The following CBLIF variants were observed in gnomAD, a reference collection of about 807,000 sequenced individuals.
CBLIF encodes cobalamin binding intrinsic factor, also known as gastric intrinsic factor (vitamin B synthesis).
A neutral mutation model predicts 44.9 loss-of-function variants in CBLIF; 24 were observed. The observed-to-expected ratio is 0.53, with a 90% CI of 0.39 to 0.75. CBLIF has a LOEUF of 0.75. Among genes scored for constraint, CBLIF ranks in the 30% least tolerant of loss-of-function variants. CBLIF has a pLI of 0.00. For missense variants in CBLIF, 481 were observed against 513.0 expected (o/e 0.94, Z 0.60); for synonymous variants, 183 against 190.9 (o/e 0.96, Z 0.34).
chr11:59,829,345 A>G lies in CBLIF; in HGVS notation c.*139T>C, dbSNP rs541677351. The G allele has an allele frequency of 8.7e-6, 6 of 687,038 alleles. No individual in the cohort carries two copies. Among genetic ancestry groups the G allele is most frequent in the South Asian group, 6.1e-5 (4 of 65,974 alleles). The allele number at this position is 687,038 out of a possible 1,614,324, so 42.6% of individuals were successfully genotyped here. On this transcript the variant is annotated 3_prime_UTR_variant, in exon 9 of 9. Coordinates refer to ENST00000257248, the MANE Select transcript of CBLIF (RefSeq NM_005142.3). ...CCAGTGAACTTTGCATTTTTATTCT[A>G]CATAGTGGTTCTCCATGTTTTTACC...
At position 59,829,533 on chromosome 11, in the gene CBLIF, T is replaced by C. The variant is rs1866340525; in HGVS notation, c.1205A>G (p.Tyr402Cys). The C allele has an allele frequency of 6.2e-7, 1 of 1,607,660 alleles. No individual in the cohort carries two copies. The highest frequency in any genetic ancestry group is 8.5e-7 in the Non-Finnish European group (1 of 1,174,110). Residue 402 changes from tyrosine to cysteine, a missense_variant, in exon 9 of 9, where the codon TAC becomes TGC. By Grantham distance (194) the Tyr-to-Cys change is radical. Transcript: ENST00000257248. ...GATGTGCTCGTGGTTGAAGGGTATG[T>C]AGTCAGCAACCCCTGGAAATAAGCA... ...VTPLNEGVAD[Y>C]IPFNHEHITA... is the part of the protein sequence containing the mutation.
At position 59,841,134 on chromosome 11, in the gene CBLIF, C is replaced by A. The variant is rs764280711; in HGVS notation, c.693+9G>T. 1.9e-6 allele frequency: 3 copies of A among 1,601,418 alleles called. No individual in the cohort carries two copies. In the African/African-American group the frequency reaches 4.0e-5, roughly 21 times the overall value. ...GGAACCCAACCAAGAGCATCCAGCACGTGTTTACCTGCATGGCGAGGCCAG... is the reference window on the plus strand; with the variant it reads ...GGAACCCAACCAAGAGCATCCAGCAAGTGTTTACCTGCATGGCGAGGCCAG... On this transcript the variant is annotated intron_variant, in intron 5 of 8. Coordinates refer to ENST00000257248, the MANE Select transcript of CBLIF (RefSeq NM_005142.3).
intron 4 of CBLIF, 120 bp from the exon 5 acceptor site, chr11:59,841,444 C>A (rs1866527859): frequency 4.0e-6 from 3 of 754,826 alleles, no homozygotes; most frequent in Non-Finnish European, 7.0e-6. Flanking sequence ...CTCAGAACAA[C>A]CTGTGAAACA....
chr11:59,833,863 C>G (rs1191275154), intron 7 of CBLIF, among the ~76,000 whole-genome samples: 2 of 152,118 alleles, frequency 1.3e-5, no homozygotes, highest in African/African-American at 4.8e-5. Flanking sequence ...TAAACATGCC[C>G]TAAAAGTTAA....
chr11:59,841,467 A>C (rs977766435), intron 4 of CBLIF, 143 bp from the exon 5 acceptor site: 2 of 702,522 alleles, frequency 2.8e-6, no homozygotes, highest in Non-Finnish European at 5.2e-6. Context: ...ACCTGTAATC[A>C]TCTCCATTTA....
intron 4 of CBLIF, 25 bp from the exon 5 acceptor site, chr11:59,841,349 T>C (rs751175352): frequency 3.4e-6 from 5 of 1,467,772 alleles, no homozygotes; most frequent in Admixed American, 1.7e-5. Flanking sequence ...GGGTATAAGA[T>C]CACCATAGTC....
At position 59,836,844 on chromosome 11, in the gene CBLIF, G is replaced by C. The variant is rs1590857528; in HGVS notation, c.871+330C>G. Among the ~76,000 whole-genome samples, 4 of 152,214 alleles carry C rather than the reference G, an allele frequency of 2.6e-5. No individual in the cohort carries two copies. In the South Asian group the frequency reaches 8.3e-4, roughly 32 times the overall value. ...GATAAGATATGCATAGTGTTTGATGGTACATTTGTGAAATGAATAAATGAA... is the reference window on the plus strand; with the variant it reads ...GATAAGATATGCATAGTGTTTGATGCTACATTTGTGAAATGAATAAATGAA... On this transcript the variant is annotated intron_variant, in intron 6 of 8. Coordinates refer to ENST00000257248, the MANE Select transcript of CBLIF (RefSeq NM_005142.3).
Position 59,829,441 on chromosome 11 carries a change from C to T in CBLIF, c.*43G>A. On this transcript the variant is annotated 3_prime_UTR_variant, in exon 9 of 9. Coordinates refer to ENST00000257248, the MANE Select transcript of CBLIF (RefSeq NM_005142.3). ...AAAATGAAGTGGAAAAAATTTCACCCATCCTTTGGAGATGTTTGATAGAAG... is the reference window on the plus strand; with the variant it reads ...AAAATGAAGTGGAAAAAATTTCACCTATCCTTTGGAGATGTTTGATAGAAG... 7.8e-7 allele frequency: 1 copy of T among 1,275,184 alleles called. No homozygotes were observed. Among genetic ancestry groups the T allele is most frequent in the Non-Finnish European group, 1.1e-6 (1 of 870,320 alleles). The allele number at this position is 1,275,184 out of a possible 1,614,324, so 79.0% of individuals were successfully genotyped here. A position where few individuals can be genotyped will look rare whatever the true frequency, so the allele number is the denominator to read the frequency against.
At chr11:59,834,455 C>T (rs1222785489) in intron 7 of CBLIF, among the ~76,000 whole-genome samples, 25 of 145,656 alleles carry the variant, frequency 1.7e-4, no homozygotes, top group Admixed American at 1.6e-3. Context: ...GCAGTGGGCA[C>T]GATCTTGGCT....
At chr11:59,840,150 T>G (rs1009681697) in intron 5 of CBLIF, among the ~76,000 whole-genome samples, 3 of 152,148 alleles carry the variant, frequency 2.0e-5, no homozygotes, top group Non-Finnish European at 4.4e-5. Flanking sequence ...AACCAATTCT[T>G]AGGCTGCTTA....
At chr11:59,829,624 A>G (rs1014432538) in intron 8 of CBLIF, 79 bp from the exon 9 acceptor site, 5 of 838,370 alleles carry the variant, frequency 6.0e-6, no homozygotes, top group Middle Eastern at 2.2e-4. Flanking sequence ...GCAGTGAGCT[A>G]GATGCAGTGA....
chr11:59,839,141 G>A (rs946732437), intron 5 of CBLIF, among the ~76,000 whole-genome samples: 4 of 152,150 alleles, frequency 2.6e-5, no homozygotes, highest in African/African-American at 2.4e-5. Context: ...GAGCCATCAC[G>A]CCTGGCCTAT....
Position 59,835,746 on chromosome 11 carries a change from A to AT in CBLIF, c.1073+61dup, listed in dbSNP as rs1866446949. ...GAAAAAAATTAGGAAAACAGGATGGATAAAAAATGGGAATTCAGATCAGGC... is the reference window on the plus strand; with the variant it reads ...GAAAAAAATTAGGAAAACAGGATGGATTAAAAAATGGGAATTCAGATCAGGC... On this transcript the variant is annotated intron_variant, in intron 7 of 8. Transcript: ENST00000257248. The AT allele has an allele frequency of 5.4e-5, 71 of 1,317,544 alleles. 1 individual carries two copies. In the South Asian group the frequency reaches 7.5e-4, roughly 14 times the overall value. 81.6% of individuals were successfully genotyped at this position (1,317,544 alleles called of 1,614,324 possible). A position where few individuals can be genotyped will look rare whatever the true frequency, so the allele number is the denominator to read the frequency against.
chr11:59,844,875 T>C (rs1866585819), intron 1 of CBLIF, among the ~76,000 whole-genome samples: 1 of 152,096 alleles, frequency 6.6e-6, no homozygotes, highest in Non-Finnish European at 1.5e-5. Context: ...TGAGACAGGG[T>C]GCTGCTGTGT....
intron 8 of CBLIF, among the ~76,000 whole-genome samples, chr11:59,830,864 G>C (rs140873013): frequency 1.3e-5 from 2 of 152,162 alleles, no homozygotes; most frequent in Non-Finnish European, 2.9e-5. Flanking sequence ...GTGATTCCAA[G>C]ATCTTTATTA....
chr11:59,841,302 C>T lies in CBLIF; in HGVS notation c.534G>A (p.Leu178=). The T allele has an allele frequency of 6.2e-7, 1 of 1,613,636 alleles. No individual in the cohort carries two copies. Among genetic ancestry groups the T allele is most frequent in the South Asian group, 1.1e-5 (1 of 91,076 alleles). The change falls in exon 5 of 9, where the codon TTG becomes TTA. Residue 178 remains leucine, a synonymous_variant. Coordinates refer to ENST00000257248, the MANE Select transcript of CBLIF (RefSeq NM_005142.3). ...FNVDTGAMAT[L]ALTCMYNKIP... Reference sequence around the variant, plus strand: ...TCTTGTTGTACATACAGGTCAGAGCCAAGGTTGCCATTGCTCCTGTGTCTG... The same window carrying T: ...TCTTGTTGTACATACAGGTCAGAGCTAAGGTTGCCATTGCTCCTGTGTCTG...
chr11:59,842,357 C>T, intron 4 of CBLIF, 86 bp downstream of exon 4: 1 of 1,454,924 alleles, frequency 6.9e-7, no homozygotes, highest in Non-Finnish European at 9.6e-7. Flanking sequence ...ATGGGACGCT[C>T]TCCTTTGTCA....
At chr11:59,836,534 A>G (rs1866458431) in intron 6 of CBLIF, among the ~76,000 whole-genome samples, 1 of 152,194 alleles carries the variant, frequency 6.6e-6, no homozygotes, top group Non-Finnish European at 1.5e-5. Context: ...ATTGGATAAA[A>G]TAAAGATATT....
chr11:59,838,517 A>T (rs899239712), intron 5 of CBLIF, among the ~76,000 whole-genome samples: 2 of 152,080 alleles, frequency 1.3e-5, no homozygotes, highest in African/African-American at 4.8e-5. Context: ...GGAGTCAGAA[A>T]CGGCTGTCTC....
Sources: allele counts gnomAD v4.1 joint callset (sites outside exome capture counted in the v4.1 genomes callset), GRCh38; gene constraint gnomAD v4.1.1; transcripts MANE v1.5; gene names NCBI Gene and HGNC (gene_info 2026-07-23, HGNC 2026-07-21).